MAPK6: variants seen among roughly 807,000 people sequenced by gnomAD.
MAPK6 encodes ERK-3.
A neutral mutation model predicts 59.3 loss-of-function variants in MAPK6; 19 were observed. The ratio of observed to expected loss-of-function variants is 0.32; its 90% CI spans 0.22 to 0.47. The LOEUF (loss-of-function observed/expected upper bound fraction) is 0.47, where lower values mean the gene tolerates loss of function less well. Ranked by LOEUF, MAPK6 falls within the 20% of genes least tolerant of loss-of-function variation. The pLI is 1.00. For missense variants in MAPK6, 724 were observed against 847.9 expected, an observed-to-expected ratio of 0.85 and a Z score of 1.81; for synonymous variants, 316 against 290.3, an observed-to-expected ratio of 1.09 and a Z score of -0.90.
At chr15:51,999,508 T>C (rs1490748570) in intron 2 of MAPK6, among the ~76,000 whole-genome samples, 2 of 152,200 alleles carry the variant, frequency 1.3e-5, no homozygotes, top group African/African-American at 4.8e-5. Flanking sequence ...TGAAGAGTTT[T>C]TTATATATTC....
At chr15:52,020,291 A>T (rs1254503650) in intron 1 of MAPK6, among the ~76,000 whole-genome samples, 1 of 152,024 alleles carries the variant, frequency 6.6e-6, no homozygotes, top group Admixed American at 6.6e-5. Flanking sequence ...TGTTAGGGGG[A>T]TCTCTGTGCA....
At chr15:52,043,712 G>A (rs960426070) in intron 1 of MAPK6, among the ~76,000 whole-genome samples, 2 of 138,134 alleles carry the variant, frequency 1.4e-5, no homozygotes, top group African/African-American at 5.3e-5. Flanking sequence ...CTAGATAATA[G>A]CAAATGATAT....
chr15:52,063,919 T>A lies in MAPK6; in HGVS notation c.1085T>A (p.Phe362Tyr), dbSNP rs762189147. 6.5e-7 allele frequency: 1 copy of A among 1,543,092 alleles called. No individual in the cohort carries two copies. Among genetic ancestry groups the A allele is most frequent in the East Asian group, 2.3e-5 (1 of 44,068 alleles). The stretch of plus-strand genomic sequence containing the variant: ...TTTTTCAGGTATCATGATTGTCAGT[T>A]TTCAGAGCATGATTGGCCTGTACAT... Reference protein sequence around the residue: ...YNWERYHDCQFSEHDWPVHNN... With the variant: ...YNWERYHDCQYSEHDWPVHNN... The change falls in exon 6 of 6, where the codon TTT becomes TAT. Residue 362 changes from phenylalanine (F) to tyrosine (Y), a missense_variant. Coordinates refer to ENST00000261845, the MANE Select transcript of MAPK6 (RefSeq NM_002748.4).
intron 3 of MAPK6, chr15:52,056,705 G>GC (rs1360913478): frequency 1.3e-5 from 2 of 152,242 alleles, no homozygotes; most frequent in Non-Finnish European, 2.9e-5. Flanking sequence ...AGTCACCCTT[G>GC]CCAGTTCTCT....
intron 3 of MAPK6, among the ~76,000 whole-genome samples, chr15:52,055,675 C>T (rs1054350541): frequency 6.6e-6 from 1 of 152,056 alleles, no homozygotes; most frequent in East Asian, 1.9e-4. Flanking sequence ...GCCTCCATGC[C>T]CGGCTAATTT....
intron 2 of MAPK6, among the ~76,000 whole-genome samples, chr15:52,048,829 C>G (rs1287098162): frequency 2.6e-5 from 4 of 152,082 alleles, no homozygotes; most frequent in African/African-American, 9.7e-5. Flanking sequence ...ACCTGGGCAA[C>G]ACAGACAACT....
intron 2 of MAPK6, among the ~76,000 whole-genome samples, chr15:51,990,723 G>C (rs1434868578): frequency 6.6e-6 from 1 of 152,234 alleles, no homozygotes; most frequent in Non-Finnish European, 1.5e-5. Context: ...GGCCAAGGCA[G>C]GCGGATCACG....
chr15:52,044,671 A>G (rs1595995551), intron 1 of MAPK6, among the ~76,000 whole-genome samples: 2 of 151,958 alleles, frequency 1.3e-5, no homozygotes, highest in South Asian at 2.1e-4. Flanking sequence ...CTAGGGAACC[A>G]TCTACTGGAG....
chr15:52,005,689 C>A (rs73398801), intron 3 of MAPK6, among the ~76,000 whole-genome samples: 1 of 152,100 alleles, frequency 6.6e-6, no homozygotes, highest in Admixed American at 6.5e-5. Context: ...CTTGGACAGA[C>A]CCCACCCTTC....
At chr15:51,972,113 C>T (rs1451914320) in intron 1 of MAPK6, among the ~76,000 whole-genome samples, 1 of 151,516 alleles carries the variant, frequency 6.6e-6, no homozygotes, top group Non-Finnish European at 1.5e-5. Context: ...CAGCTGTTCT[C>T]CAGTTATTTC....
chr15:52,009,244 C>A (rs2029988251), intron 3 of MAPK6, among the ~76,000 whole-genome samples: 2 of 152,194 alleles, frequency 1.3e-5, no homozygotes, highest in African/African-American at 4.8e-5. Context: ...CTATTCTTTC[C>A]TTTTATTTAC....
At chr15:52,037,603 T>C (rs1341971409) in intron 1 of MAPK6, among the ~76,000 whole-genome samples, 1 of 152,188 alleles carries the variant, frequency 6.6e-6, no homozygotes, top group Non-Finnish European at 1.5e-5. Flanking sequence ...GTGTTTCATT[T>C]CTTCATTCTG....
chr15:52,015,916 G>A (rs1338371556), upstream of MAPK6, among the ~76,000 whole-genome samples: 1 of 9,558 alleles, frequency 1.0e-4, no homozygotes, highest in Admixed American at 2.0e-3. Flanking sequence ...AAATTAGTTG[G>A]GCGTGGTGGC....
chr15:52,002,126 T>C (rs1046239148), intron 2 of MAPK6, among the ~76,000 whole-genome samples: 1 of 152,216 alleles, frequency 6.6e-6, no homozygotes, highest in African/African-American at 2.4e-5. Context: ...AGTTGCCTGG[T>C]GTTTACTCTC....
intron 1 of MAPK6, among the ~76,000 whole-genome samples, chr15:52,041,554 G>A (rs1038567615): frequency 6.6e-6 from 1 of 152,196 alleles, no homozygotes; most frequent in Non-Finnish European, 1.5e-5. Flanking sequence ...GCAATTAATA[G>A]TACACTGATG....
intron 2 of MAPK6, among the ~76,000 whole-genome samples, chr15:51,993,929 G>T (rs1304261911): frequency 1.3e-5 from 2 of 151,022 alleles, no homozygotes; most frequent in East Asian, 1.9e-4. Context: ...ACCATGCCCA[G>T]CTTAGCTCTC....
At chr15:52,060,066 G>A (rs1375757901) in intron 4 of MAPK6, among the ~76,000 whole-genome samples, 4 of 152,074 alleles carry the variant, frequency 2.6e-5, no homozygotes, top group African/African-American at 4.8e-5. Flanking sequence ...CCTTTCTGTA[G>A]TATACCATAT....
upstream of MAPK6, among the ~76,000 whole-genome samples, chr15:52,016,305 C>G (rs370783613): frequency 2.6e-5 from 4 of 151,710 alleles, no homozygotes; most frequent in East Asian, 7.8e-4. Flanking sequence ...AGGAGAATTG[C>G]TTGAACCCGG....
chr15:52,052,977 C>T (rs780102074), intron 3 of MAPK6, among the ~76,000 whole-genome samples: 1 of 151,920 alleles, frequency 6.6e-6, no homozygotes, highest in Non-Finnish European at 1.5e-5. Flanking sequence ...CGCAGCTGTA[C>T]CATTTTACAT....
Sources: allele counts gnomAD v4.1 joint callset (sites outside exome capture counted in the v4.1 genomes callset), GRCh38; gene constraint gnomAD v4.1.1; transcripts MANE v1.5; gene names NCBI Gene and HGNC (gene_info 2026-07-23, HGNC 2026-07-21).